The following PIEZO2 variants were observed in gnomAD, a reference collection of about 807,000 sequenced individuals.
PIEZO2 encodes the protein piezo-type mechanosensitive ion channel component 2.
PIEZO2 carries 172 observed loss-of-function variants against 337.3 expected under a neutral mutation model. That is an observed-to-expected ratio of 0.51 (90% CI 0.45 to 0.58). The LOEUF (loss-of-function observed/expected upper bound fraction) is 0.58, where lower values mean the gene tolerates loss of function less well. PIEZO2 is among the 20% of genes least tolerant of loss of function. PIEZO2 has a pLI of 0.00. For synonymous variants in PIEZO2, 1,251 were observed against 1,228.5 expected (o/e 1.02, Z -0.38); for missense variants, 3,028 against 3,391.3 (o/e 0.89, Z 2.66).
chr18:10,703,607 A>T (rs1156510776), intron 42 of PIEZO2, among the ~76,000 whole-genome samples: 3 of 152,196 alleles, frequency 2.0e-5, no homozygotes, highest in Non-Finnish European at 2.9e-5. Flanking sequence ...CAAGTCAGGG[A>T]AGAAAATCAG....
rs1028220431 is a variant in PIEZO2, at chr18:10,781,526, A to G, written c.2493-1160T>C. On this transcript the variant is annotated intron_variant, in intron 17 of 55. Coordinates refer to ENST00000674853, the MANE Select transcript of PIEZO2 (RefSeq NM_001378183.1). The surrounding 1 kb of genome is among the most constrained non-coding windows in gnomAD (Gnocchi z 4.1). ...AAATAGTCCTTTGTAAATCATTGCT[A>G]ATTATATATTATATAATAAACAATG... Among the ~76,000 whole-genome samples, 1 of 151,994 alleles carries G rather than the reference A, an allele frequency of 6.6e-6. No homozygotes were observed.
At chr18:11,008,100 C>G (rs2035783119) in intron 2 of PIEZO2, among the ~76,000 whole-genome samples, 1 of 152,106 alleles carries the variant, frequency 6.6e-6, no homozygotes, top group South Asian at 2.1e-4. Context: ...AAAACATAAG[C>G]CTGGGAATCC....
chr18:11,034,294 C>CTT (rs201376886), intron 2 of PIEZO2, among the ~76,000 whole-genome samples: 8 of 148,644 alleles, frequency 5.4e-5, no homozygotes, highest in Non-Finnish European at 9.0e-5. Flanking sequence ...CATTTCTTTT[C>CTT]TTTTCTTTTT....
In PIEZO2 at chr18:10,852,367, G is replaced by T. The variant is rs111499040; in HGVS notation, c.917+2986C>A. On this transcript the variant is annotated intron_variant, in intron 7 of 55. Transcript: ENST00000674853. ...GTGTGGATGGGTGTGTGTGTGTGTGGGTGTGGATGCTTGTGTCCAGCACCA... is the reference window on the plus strand; with the variant it reads ...GTGTGGATGGGTGTGTGTGTGTGTGTGTGTGGATGCTTGTGTCCAGCACCA... Among the ~76,000 whole-genome samples, 4 of 151,956 alleles carry T rather than the reference G, an allele frequency of 2.6e-5. 1 individual carries two copies. The East Asian group carries it at 5.8e-4, about 22-fold the overall frequency.
intron 1 of PIEZO2, among the ~76,000 whole-genome samples, chr18:11,076,202 G>A (rs2038539408): frequency 6.6e-6 from 1 of 152,192 alleles, no homozygotes; most frequent in Non-Finnish European, 1.5e-5. Context: ...GCACAACGCT[G>A]AACTGATCAG....
At chr18:10,745,645 C>T (rs1311762016) in intron 30 of PIEZO2, among the ~76,000 whole-genome samples, 1 of 152,180 alleles carries the variant, frequency 6.6e-6, no homozygotes, top group Non-Finnish European at 1.5e-5. Context: ...TTCTTTGTGG[C>T]TCAGGCTGCT....
At chr18:10,763,132 T>TA in intron 21 of PIEZO2, 34 bp from the exon 22 acceptor site, 1 of 1,527,324 alleles carries the variant, frequency 6.5e-7, no homozygotes, top group Admixed American at 2.0e-5. Flanking sequence ...GGGACAAAAA[T>TA]ACGTAACACG....
chr18:10,865,548 G>A (rs1486927433), intron 5 of PIEZO2, among the ~76,000 whole-genome samples: 1 of 152,176 alleles, frequency 6.6e-6, no homozygotes, highest in Non-Finnish European at 1.5e-5. Flanking sequence ...AGTGTTTCTG[G>A]CTCAAGCAGC....
At chr18:10,886,406 A>ATGTGTGTGTGTG (rs2042600413) in intron 4 of PIEZO2, among the ~76,000 whole-genome samples, 1 of 42,388 alleles carries the variant, frequency 2.4e-5, no homozygotes, top group African/African-American at 1.4e-4. Context: ...ATATATATAT[A>ATGTGTGTGTGTG]TATATATATA....
chr18:11,063,598 G>A (rs1332205221), intron 2 of PIEZO2, among the ~76,000 whole-genome samples: 1 of 152,124 alleles, frequency 6.6e-6, no homozygotes, highest in Non-Finnish European at 1.5e-5. Context: ...AGAGGGCCAC[G>A]GAGCCATGCT....
intron 1 of PIEZO2, among the ~76,000 whole-genome samples, chr18:11,137,144 T>C (rs1416560303): frequency 6.6e-6 from 1 of 152,156 alleles, no homozygotes; most frequent in African/African-American, 2.4e-5. Context: ...GGGAGGATCA[T>C]CGAAATATTA....
chr18:10,828,496 G>A lies in PIEZO2; in HGVS notation c.918-21222C>T, dbSNP rs542890263. ...GTTTTCCTTCCATTGTTTCCTAAATGACCCTGGAAAAAACTGAAAGTAGAA... is the reference window on the plus strand; with the variant it reads ...GTTTTCCTTCCATTGTTTCCTAAATAACCCTGGAAAAAACTGAAAGTAGAA... On this transcript the variant is annotated intron_variant, in intron 7 of 55. Coordinates refer to ENST00000674853, the MANE Select transcript of PIEZO2 (RefSeq NM_001378183.1). This position sits in a 1 kb window ranked among gnomAD's most constrained non-coding sequence, Gnocchi z 4.1. Among the ~76,000 whole-genome samples the A allele has an allele frequency of 2.0e-5, 3 of 152,158 alleles. No homozygotes were observed. In the South Asian group the frequency reaches 6.2e-4, roughly 32 times the overall value.
intron 2 of PIEZO2, among the ~76,000 whole-genome samples, chr18:11,025,930 A>G (rs188881393): frequency 2.0e-5 from 3 of 152,316 alleles, no homozygotes; most frequent in African/African-American, 7.2e-5. Flanking sequence ...TGGGGGCAGC[A>G]GCAGCAAGCC....
chr18:10,916,382 G>A (rs367727204), intron 3 of PIEZO2, among the ~76,000 whole-genome samples: 3 of 152,156 alleles, frequency 2.0e-5, no homozygotes, highest in Admixed American at 6.5e-5. Context: ...GCAGCCAACC[G>A]CGGTAGGGCT....
chr18:10,802,399 G>A (rs578095548), intron 9 of PIEZO2, among the ~76,000 whole-genome samples: 2 of 152,108 alleles, frequency 1.3e-5, no homozygotes, highest in East Asian at 3.9e-4. Flanking sequence ...AGACCAGGTA[G>A]TCTTAAAATA....
chr18:11,067,420 T>G (rs939944808), intron 1 of PIEZO2, among the ~76,000 whole-genome samples: 1 of 152,172 alleles, frequency 6.6e-6, no homozygotes, highest in Non-Finnish European at 1.5e-5. Context: ...GTAAATGGAT[T>G]AAATTCTCCA....
At chr18:11,082,596 C>T (rs965813735) in intron 1 of PIEZO2, among the ~76,000 whole-genome samples, 7 of 152,208 alleles carry the variant, frequency 4.6e-5, no homozygotes, top group South Asian at 2.1e-4. Context: ...GGATTACAGG[C>T]GTGATGTTTC....
Position 11,002,307 on chromosome 18 carries a change from T to C in PIEZO2, c.161-22647A>G, listed in dbSNP as rs767145907. 1.3e-5 allele frequency among the ~76,000 whole-genome samples: 2 copies of C among 152,238 alleles called. No homozygotes were observed. Among genetic ancestry groups the C allele is most frequent in the Non-Finnish European group, 2.9e-5 (2 of 68,038 alleles). On this transcript the variant is annotated intron_variant, in intron 2 of 55. Transcript: ENST00000674853. This position sits in a 1 kb window ranked among gnomAD's most constrained non-coding sequence, Gnocchi z 4.3. ...GTTCAGTCTATAGGCTGTAGTTTGCTGATCCCTGCTCTAGCTGGAGAAAGC... is the reference window on the plus strand; with the variant it reads ...GTTCAGTCTATAGGCTGTAGTTTGCCGATCCCTGCTCTAGCTGGAGAAAGC...
At position 11,031,570 on chromosome 18, in the gene PIEZO2, A is replaced by T. The variant is rs2036739620; in HGVS notation, c.160+34557T>A. 6.6e-6 allele frequency among the ~76,000 whole-genome samples: 1 copy of T among 152,200 alleles called. No homozygotes were observed. Among genetic ancestry groups the T allele is most frequent in the African/African-American group, 2.4e-5 (1 of 41,440 alleles). On this transcript the variant is annotated intron_variant, in intron 2 of 55. Coordinates refer to ENST00000674853, the MANE Select transcript of PIEZO2 (RefSeq NM_001378183.1). This position sits in a 1 kb window ranked among gnomAD's most constrained non-coding sequence, Gnocchi z 4.7. ...GAGATGATATTCAAATTATGCTTTTAAAACATTTTTATAATTACCCAGGGG... is the reference window on the plus strand; with the variant it reads ...GAGATGATATTCAAATTATGCTTTTTAAACATTTTTATAATTACCCAGGGG...
Sources: allele counts gnomAD v4.1 joint callset (sites outside exome capture counted in the v4.1 genomes callset), GRCh38; gene constraint gnomAD v4.1.1; non-coding constraint Gnocchi (gnomAD v3.1); transcripts MANE v1.5; gene names NCBI Gene and HGNC (gene_info 2026-07-23, HGNC 2026-07-21).